MAGI1: variants seen among roughly 807,000 people sequenced by gnomAD.
The protein encoded by MAGI1 is membrane-associated guanylate kinase, WW and PDZ domain-containing protein 1.
A neutral mutation model predicts 139.9 loss-of-function variants in MAGI1; 58 were observed. That is an observed-to-expected ratio of 0.41 (90% CI 0.34 to 0.52). The LOEUF (loss-of-function observed/expected upper bound fraction) is 0.52. MAGI1 is among the 20% of genes least tolerant of loss of function. The probability of loss-of-function intolerance (pLI) is 0.12; values close to 1 mark genes in which losing one functional copy is unlikely to be tolerated. For missense variants in MAGI1, 1,874 were observed against 1,901.6 expected (o/e 0.99, Z 0.27); for synonymous variants, 812 against 737.9 (o/e 1.10, Z -1.63).
intron 1 of MAGI1, among the ~76,000 whole-genome samples, chr3:65,829,170 T>A (rs1317306157): frequency 6.6e-6 from 1 of 152,248 alleles, no homozygotes; most frequent in Non-Finnish European, 1.5e-5. Flanking sequence ...TTTTAGCCAT[T>A]CTGTTTGTGG....
intron 1 of MAGI1, among the ~76,000 whole-genome samples, chr3:65,681,094 G>C (rs55724545): frequency 0.17 from 25,868 of 152,194 alleles, 2,710 homozygotes; most frequent in Non-Finnish European, 0.23. Flanking sequence ...CTTGTATTTT[G>C]ATTTATCATC....
chr3:65,418,587 A>G (rs13078213), intron 12 of MAGI1, among the ~76,000 whole-genome samples: 44,052 of 151,992 alleles, frequency 0.29, 8,004 homozygotes, highest in Non-Finnish European at 0.41. Flanking sequence ...CACTCCTGCA[A>G]AGAGGGAGTG....
At chr3:65,876,157 G>A (rs139104004) in intron 1 of MAGI1, among the ~76,000 whole-genome samples, 96 of 151,746 alleles carry the variant, frequency 6.3e-4, no homozygotes, top group African/African-American at 2.1e-3. Context: ...TTTTATTCAC[G>A]TCATAAAAAA....
chr3:65,638,597 A>ATTTT (rs1173086138), intron 1 of MAGI1, among the ~76,000 whole-genome samples: 845 of 41,004 alleles, frequency 0.021, 187 homozygotes, highest in African/African-American at 0.029. Flanking sequence ...TGCTCTCCTG[A>ATTTT]TTTTTTTTTT....
intron 3 of MAGI1, among the ~76,000 whole-genome samples, chr3:65,487,749 T>C (rs913918156): frequency 6.6e-6 from 1 of 152,160 alleles, no homozygotes; most frequent in African/African-American, 2.4e-5. Flanking sequence ...AACATCCTCT[T>C]TGGGAAGATT....
intron 6 of MAGI1, among the ~76,000 whole-genome samples, chr3:65,449,812 G>A (rs1253828266): frequency 2.0e-5 from 3 of 151,948 alleles, no homozygotes; most frequent in African/African-American, 4.8e-5. Context: ...TTCCAGAACA[G>A]GAGACAAATC....
chr3:65,517,799 T>C (rs909891160), intron 2 of MAGI1, among the ~76,000 whole-genome samples: 2 of 152,076 alleles, frequency 1.3e-5, no homozygotes, highest in South Asian at 2.1e-4. Flanking sequence ...CACCCAACCA[T>C]GCAGGCTGCT....
At chr3:65,413,070 G>A (rs1393072417) in intron 12 of MAGI1, among the ~76,000 whole-genome samples, 3 of 129,812 alleles carry the variant, frequency 2.3e-5, no homozygotes, top group South Asian at 2.4e-4. Flanking sequence ...TACAAAAAGC[G>A]AACACATGCT....
At chr3:65,674,587 C>T (rs1020690515) in intron 1 of MAGI1, among the ~76,000 whole-genome samples, 5 of 152,136 alleles carry the variant, frequency 3.3e-5, no homozygotes, top group Admixed American at 3.3e-4. Context: ...GCTTTATGTT[C>T]TCAGACAGTT....
chr3:65,648,957 G>A (rs1441497138), intron 1 of MAGI1, among the ~76,000 whole-genome samples: 4 of 152,094 alleles, frequency 2.6e-5, no homozygotes, highest in Non-Finnish European at 5.9e-5. Flanking sequence ...GTGGAGAAAG[G>A]ACACCCTTTT....
At chr3:65,816,245 C>T (rs1300589739) in intron 1 of MAGI1, among the ~76,000 whole-genome samples, 1 of 150,232 alleles carries the variant, frequency 6.7e-6, no homozygotes, top group East Asian at 2.0e-4. Flanking sequence ...GCTTAGTGAA[C>T]AAACAAGGTT....
intron 12 of MAGI1, 36 bp downstream of exon 12, chr3:65,429,484 A>G: frequency 6.5e-7 from 1 of 1,530,722 alleles, no homozygotes. Flanking sequence ...ATTTGGGATA[A>G]AAAAAAAATT....
chr3:65,502,803 G>C (rs950102137), intron 2 of MAGI1, among the ~76,000 whole-genome samples: 2 of 152,180 alleles, frequency 1.3e-5, no homozygotes, highest in Admixed American at 6.5e-5. Flanking sequence ...AGAAGGGTGC[G>C]TTGAAGCAGA....
intron 1 of MAGI1, among the ~76,000 whole-genome samples, chr3:65,633,914 C>A (rs9809287): frequency 0.1 from 15,247 of 152,144 alleles, 1,898 homozygotes; most frequent in African/African-American, 0.3. Flanking sequence ...TCTAAAGATA[C>A]GGGTGTCTGT....
intron 2 of MAGI1, among the ~76,000 whole-genome samples, chr3:65,520,748 T>C (rs1393740121): frequency 2.0e-5 from 3 of 152,182 alleles, no homozygotes; most frequent in Non-Finnish European, 2.9e-5. Context: ...AGAGCCACAG[T>C]TGACTAGCCA....
At chr3:65,742,557 A>G in intron 1 of MAGI1, among the ~76,000 whole-genome samples, 1 of 152,184 alleles carries the variant, frequency 6.6e-6, no homozygotes, top group Non-Finnish European at 1.5e-5. Context: ...CTTTTCCCAG[A>G]ATTCTTCAGA....
chr3:65,420,418 T>C (rs758342105), intron 12 of MAGI1, among the ~76,000 whole-genome samples: 118 of 152,262 alleles, frequency 7.7e-4, no homozygotes, highest in Non-Finnish European at 1.4e-3. Context: ...CTGTTCACTT[T>C]ACCTGCTCTG....
intron 2 of MAGI1, among the ~76,000 whole-genome samples, chr3:65,607,688 T>C (rs777583576): frequency 6.6e-6 from 1 of 152,314 alleles, no homozygotes; most frequent in Non-Finnish European, 1.5e-5. Context: ...TATGTCTATA[T>C]TTTATCTTAT....
intron 1 of MAGI1, among the ~76,000 whole-genome samples, chr3:65,988,449 C>T (rs956570308): frequency 1.3e-5 from 2 of 152,254 alleles, no homozygotes; most frequent in African/African-American, 4.8e-5. Context: ...GAGCCATCAG[C>T]GGCTGCAAGG....
Sources: gnomAD v4.1 joint callset for allele counts (sites outside exome capture counted in the v4.1 genomes callset) on GRCh38, gnomAD v4.1.1 for gene constraint, MANE v1.5 for transcripts, NCBI Gene and HGNC (gene_info 2026-07-23, HGNC 2026-07-21) for gene names.